The following NCS1 variants were observed in gnomAD, a reference collection of about 807,000 sequenced individuals.
NCS1 encodes frequenin homolog.
In NCS1, 6 loss-of-function variants were observed where a neutral mutation model predicts 28.4. The observed-to-expected ratio is 0.21, with a 90% confidence interval of 0.12 to 0.42. NCS1 has a LOEUF of 0.42. NCS1 is among the 10% of genes least tolerant of loss of function. The probability of loss-of-function intolerance (pLI) is 1.00; values close to 1 mark genes in which losing one functional copy is unlikely to be tolerated. For missense variants in NCS1, 131 were observed against 241.4 expected (o/e 0.54, Z 3.03); for synonymous variants, 86 against 99.3 (o/e 0.87, Z 0.79).
At chr9:130,221,879 ATAATACAT>A (rs1833311733) in intron 4 of NCS1, among the ~76,000 whole-genome samples, 1 of 516 alleles carries the variant, frequency 1.9e-3, no homozygotes, top group African/African-American at 4.3e-3. Context: ...ATATATATAC[ATAATACAT>A]AAATATAAAT....
rs1282748360 is a variant in NCS1 at position 130,175,540 on chromosome 9, A to C, written c.64+2813A>C. On this transcript the variant is annotated intron_variant, in intron 1 of 7. Transcript: ENST00000372398. This position sits in a 1 kb window ranked among gnomAD's most constrained non-coding sequence, Gnocchi z 4.9. ...AGCCCGGATTGAAGACCACAGTTCC[A>C]GTGTATGCTGGGGGTCCTAGCCCAC... Among the ~76,000 whole-genome samples, 1 of 152,106 alleles carries C rather than the reference A, an allele frequency of 6.6e-6. No individual in the cohort carries two copies. Among genetic ancestry groups the C allele is most frequent in the African/African-American group, 2.4e-5 (1 of 41,424 alleles).
chr9:130,174,752 G>C (rs1278507351), intron 1 of NCS1, among the ~76,000 whole-genome samples: 1 of 139,010 alleles, frequency 7.2e-6, no homozygotes, highest in East Asian at 2.6e-4. Context: ...CGGAGGTTGC[G>C]GTGAGGTGAG....
intron 2 of NCS1, among the ~76,000 whole-genome samples, chr9:130,201,864 C>G (rs1305462038): frequency 6.6e-6 from 1 of 152,176 alleles, no homozygotes; most frequent in African/African-American, 2.4e-5. Context: ...CTGCACTTCC[C>G]CAGGTGAGTG....
intron 1 of NCS1, chr9:130,200,459 G>C: frequency 1.1e-6 from 1 of 951,456 alleles, no homozygotes; most frequent in Non-Finnish European, 1.6e-6. Context: ...GCAGGGACAG[G>C]CTGACAGGGA....
In NCS1 at chr9:130,234,260, G is replaced by A. The variant is rs1833546547; in HGVS notation, c.*1288G>A. ...GGTGTCCTTCCCTGGCCTTCTCTTG[G>A]CTCAAAGGCTGGGAGGGAGGGAAGG... is the stretch of plus-strand genomic sequence containing the variant. On this transcript the variant is annotated 3_prime_UTR_variant, in exon 8 of 8. Coordinates refer to ENST00000372398, the MANE Select transcript of NCS1 (RefSeq NM_014286.4). The surrounding 1 kb of genome is among the most constrained non-coding windows in gnomAD (Gnocchi z 6.1). 6.6e-6 allele frequency: 1 copy of A among 152,286 alleles called. No individual in the cohort carries two copies. The highest frequency in any genetic ancestry group is 1.5e-5 in the Non-Finnish European group (1 of 68,126). 9.4% of individuals were successfully genotyped at this position (152,286 alleles called of 1,614,324 possible).
intron 1 of NCS1, among the ~76,000 whole-genome samples, chr9:130,188,698 A>G (rs1243417939): frequency 6.7e-6 from 1 of 149,548 alleles, no homozygotes; most frequent in Non-Finnish European, 1.5e-5. Context: ...GGCATGAGCC[A>G]CTGCGCCCAG....
Position 130,233,953 on chromosome 9 carries a change from C to T in NCS1, c.*981C>T, listed in dbSNP as rs1295767177. On this transcript the variant is annotated 3_prime_UTR_variant, in exon 8 of 8. Coordinates refer to ENST00000372398, the MANE Select transcript of NCS1 (RefSeq NM_014286.4). The surrounding 1 kb of genome is among the most constrained non-coding windows in gnomAD (Gnocchi z 4.8). ...CCGCATCCTTGTTCTCCCCTGGGTCCGTAACATTTTTTCCGAGGATGAACA... is the reference window on the plus strand; with the variant it reads ...CCGCATCCTTGTTCTCCCCTGGGTCTGTAACATTTTTTCCGAGGATGAACA... 3.9e-5 allele frequency: 6 copies of T among 152,232 alleles called. No individual in the cohort carries two copies. The highest frequency in any genetic ancestry group is 3.9e-4 in the East Asian group (2 of 5,164). The allele number at this position is 152,232 out of a possible 1,614,324, so 9.4% of individuals were successfully genotyped here. A position where few individuals can be genotyped will look rare whatever the true frequency, so the allele number is the denominator to read the frequency against.
At chr9:130,199,545 T>A (rs1554907210) in intron 1 of NCS1, among the ~76,000 whole-genome samples, 2 of 152,218 alleles carry the variant, frequency 1.3e-5, no homozygotes, top group Non-Finnish European at 2.9e-5. Context: ...GCCACAGACC[T>A]AAGGTCAGGC....
chr9:130,199,980 A>G (rs1173408913), intron 1 of NCS1, among the ~76,000 whole-genome samples: 2 of 152,132 alleles, frequency 1.3e-5, no homozygotes, highest in African/African-American at 4.8e-5. Flanking sequence ...CCCTTTGCCA[A>G]AACTTTCTCT....
In NCS1 at chr9:130,191,205, TG is replaced by T. The variant is rs782728235; in HGVS notation, c.65-9750del. Among the ~76,000 whole-genome samples, 1 of 152,158 alleles carries T rather than the reference TG, an allele frequency of 6.6e-6. No homozygotes were observed. The highest frequency in any genetic ancestry group is 2.1e-4 in the South Asian group (1 of 4,832). ...GGTAGACCCATCTGTGCAAAGGCCC[TG>T]GGTGATCCCTGCTGGACTGTGTGTC... On this transcript the variant is annotated intron_variant, in intron 1 of 7. Transcript: ENST00000372398. This position sits in a 1 kb window ranked among gnomAD's most constrained non-coding sequence, Gnocchi z 6.4.
rs1369194811 is a variant in NCS1, at chr9:130,193,500, C to T, written c.65-7458C>T. Among the ~76,000 whole-genome samples the T allele has an allele frequency of 1.2e-4, 18 of 152,090 alleles. 1 individual carries two copies. Among genetic ancestry groups the T allele is most frequent in the Non-Finnish European group, 1.5e-5 (1 of 68,012 alleles). ...GGCAGCCAGGTTGGATGGGACTTGT[C>T]TGCAGTTGGTGCAGGACTGCCTGTA... On this transcript the variant is annotated intron_variant, in intron 1 of 7. Transcript: ENST00000372398.
At chr9:130,198,443 G>T (rs1235942222) in intron 1 of NCS1, among the ~76,000 whole-genome samples, 1 of 152,188 alleles carries the variant, frequency 6.6e-6, no homozygotes, top group African/African-American at 2.4e-5. Flanking sequence ...GTCGAATGCT[G>T]CCACCCCTTG....
chr9:130,225,721 C>T (rs180977334), intron 6 of NCS1, among the ~76,000 whole-genome samples: 3 of 152,356 alleles, frequency 2.0e-5, no homozygotes, highest in East Asian at 1.9e-4. Flanking sequence ...GTGTACGCAG[C>T]GAGCGATCCC....
intron 6 of NCS1, among the ~76,000 whole-genome samples, chr9:130,225,631 G>A (rs1213880489): frequency 1.3e-5 from 2 of 152,240 alleles, no homozygotes; most frequent in African/African-American, 4.8e-5. Context: ...TGGTAAAATG[G>A]GGATGAGAGC....
chr9:130,173,704 C>G (rs1832522887), intron 1 of NCS1, among the ~76,000 whole-genome samples: 1 of 152,120 alleles, frequency 6.6e-6, no homozygotes. Context: ...AGAACCCATC[C>G]CCGGGCAGCT....
intron 1 of NCS1, among the ~76,000 whole-genome samples, chr9:130,178,888 C>G (rs1564701528): frequency 6.9e-5 from 2 of 28,778 alleles, no homozygotes; most frequent in African/African-American, 1.2e-4. Flanking sequence ...TCCCTTCTTT[C>G]CCCTCCCCTG....
At chr9:130,172,808 C>A in intron 1 of NCS1, 81 bp downstream of exon 1, 1 of 753,094 alleles carries the variant, frequency 1.3e-6, no homozygotes, top group Non-Finnish European at 1.8e-6. Flanking sequence ...CGGACCCGCG[C>A]GCTACCCGCT....
At chr9:130,220,611 G>A (rs1171263185) in intron 4 of NCS1, among the ~76,000 whole-genome samples, 1 of 152,038 alleles carries the variant, frequency 6.6e-6, no homozygotes, top group African/African-American at 2.4e-5. Flanking sequence ...GGCCCCTGGC[G>A]GCATTAGGAG....
intron 2 of NCS1, among the ~76,000 whole-genome samples, chr9:130,201,198 G>A (rs1019975098): frequency 3.3e-5 from 5 of 152,218 alleles, no homozygotes; most frequent in African/African-American, 1.2e-4. Flanking sequence ...TGGGGTGTTT[G>A]TTGGTGGTCC....
Sources: gnomAD v4.1 joint callset for allele counts (sites outside exome capture counted in the v4.1 genomes callset) on GRCh38, gnomAD v4.1.1 for gene constraint, Gnocchi (gnomAD v3.1) non-coding constraint, MANE v1.5 for transcripts, NCBI Gene and HGNC (gene_info 2026-07-23, HGNC 2026-07-21) for gene names.